Variants in RBFOX3 observed in about 807,000 individuals in gnomAD.
The protein encoded by RBFOX3 is RNA binding protein fox-1 homolog 3.
A neutral mutation model predicts 48.7 loss-of-function variants in RBFOX3; 17 were observed. The observed-to-expected ratio is 0.35, with a 90% CI of 0.24 to 0.52. The LOEUF (loss-of-function observed/expected upper bound fraction) is 0.52. Among genes scored for constraint, RBFOX3 ranks in the 20% least tolerant of loss-of-function variants. The pLI, the probability that RBFOX3 is intolerant of heterozygous loss-of-function variation, is 0.94. For synonymous variants in RBFOX3, 212 were observed against 209.5 expected, an observed-to-expected ratio of 1.01 and a Z score of -0.10; for missense variants, 382 against 497.5, an observed-to-expected ratio of 0.77 and a Z score of 2.21.
chr17:79,120,401 G>A (rs1280125570), intron 4 of RBFOX3, among the ~76,000 whole-genome samples: 1 of 151,930 alleles, frequency 6.6e-6, no homozygotes, highest in East Asian at 1.9e-4. Flanking sequence ...ATGGGTGGAT[G>A]GATGGATTAA....
Position 79,338,013 on chromosome 17 carries a change from A to C in RBFOX3, c.-174-30189T>G, listed in dbSNP as rs894701720. 2.0e-5 allele frequency among the ~76,000 whole-genome samples: 3 copies of C among 149,722 alleles called. No individual in the cohort carries two copies. The East Asian group carries it at 6.0e-4, about 30-fold the overall frequency. ...GAGCGCAGTGGCGCGATCTCGGCTC[A>C]CTGCAACCTCTGCCTCCTGGGCTCA... On this transcript the variant is annotated intron_variant, in intron 2 of 14. Coordinates refer to ENST00000693108, the MANE Select transcript of RBFOX3 (RefSeq NM_001350451.2).
chr17:79,201,641 G>T (rs2056771698), intron 4 of RBFOX3, among the ~76,000 whole-genome samples: 1 of 152,192 alleles, frequency 6.6e-6, no homozygotes, highest in Non-Finnish European at 1.5e-5. Flanking sequence ...CACGGAAAGT[G>T]CTTCTGACAG....
chr17:79,187,621 G>A (rs1444375636), intron 4 of RBFOX3, among the ~76,000 whole-genome samples: 2 of 152,194 alleles, frequency 1.3e-5, no homozygotes, highest in African/African-American at 4.8e-5. Context: ...GGGAGGATGT[G>A]TGCGTGCCTG....
chr17:79,546,656 C>T (rs1364357025), intron 1 of RBFOX3, among the ~76,000 whole-genome samples: 1 of 149,700 alleles, frequency 6.7e-6, no homozygotes, highest in Admixed American at 6.7e-5. Context: ...CCCAGCAGTA[C>T]CTTCCTCATT....
intron 2 of RBFOX3, among the ~76,000 whole-genome samples, chr17:79,408,797 C>G (rs1471157073): frequency 6.6e-6 from 1 of 152,202 alleles, no homozygotes; most frequent in Non-Finnish European, 1.5e-5. Flanking sequence ...CATTAATGGT[C>G]TCTCTCACCA....
intron 13 of RBFOX3, among the ~76,000 whole-genome samples, chr17:79,094,808 C>T (rs1391404949): frequency 2.0e-5 from 3 of 151,864 alleles, no homozygotes; most frequent in African/African-American, 2.4e-5. Flanking sequence ...CTCAGTGCTA[C>T]GTGGAGGGGG....
rs533301058 is a variant in RBFOX3 at position 79,463,129 on chromosome 17, C to T, written c.-175+19325G>A. Among the ~76,000 whole-genome samples the T allele has an allele frequency of 4.6e-3, 684 of 149,424 alleles. 8 individuals carry two copies. The highest frequency in any genetic ancestry group is 0.016 in the African/African-American group (644 of 40,494). On this transcript the variant is annotated intron_variant, in intron 2 of 14. Transcript: ENST00000693108. Reference sequence around the variant, plus strand: ...CCGCCATCGCCACTGCCATCGCCACCGCCACTGCCACCGCCACCTCCACCA... The same window carrying T: ...CCGCCATCGCCACTGCCATCGCCACTGCCACTGCCACCGCCACCTCCACCA...
intron 4 of RBFOX3, among the ~76,000 whole-genome samples, chr17:79,149,440 T>C (rs903111022): frequency 6.6e-6 from 1 of 152,088 alleles, no homozygotes; most frequent in African/African-American, 2.4e-5. Context: ...AACACGGGCA[T>C]TGCTGTCCTG....
chr17:79,597,211 T>C (rs1419169986), intron 1 of RBFOX3, among the ~76,000 whole-genome samples: 4 of 152,198 alleles, frequency 2.6e-5, no homozygotes, highest in African/African-American at 9.6e-5. Flanking sequence ...TCACCTCCTG[T>C]CTTGCTGCTA....
chr17:79,110,130 C>CAAAAAAA (rs34151285), intron 5 of RBFOX3, among the ~76,000 whole-genome samples: 1 of 132,352 alleles, frequency 7.6e-6, no homozygotes, highest in Non-Finnish European at 1.6e-5. Flanking sequence ...TTCCCCCACT[C>CAAAAAAA]AAAAAAAAAA....
chr17:79,163,739 C>T (rs562627162), intron 4 of RBFOX3, among the ~76,000 whole-genome samples: 2 of 152,194 alleles, frequency 1.3e-5, no homozygotes, highest in South Asian at 4.1e-4. Flanking sequence ...GAAGCTTTGC[C>T]AACAGGGTGC....
chr17:79,524,949 A>G (rs1440109508), intron 1 of RBFOX3, among the ~76,000 whole-genome samples: 2 of 152,214 alleles, frequency 1.3e-5, no homozygotes, highest in Admixed American at 1.3e-4. Flanking sequence ...CGAGTGCTTA[A>G]GATCTCCATG....
Position 79,254,355 on chromosome 17 carries a change from T to G in RBFOX3, c.-73-18550A>C, listed in dbSNP as rs1003826426. On this transcript the variant is annotated intron_variant, in intron 3 of 14. Coordinates refer to ENST00000693108, the MANE Select transcript of RBFOX3 (RefSeq NM_001350451.2). This position sits in a 1 kb window ranked among gnomAD's most constrained non-coding sequence, Gnocchi z 4.8. Reference sequence around the variant, plus strand: ...CCAGGTGGCAGCAGGTGAGGAACCTTACTCCTGAGACCCTCAGCCCTAGCT... The same window carrying G: ...CCAGGTGGCAGCAGGTGAGGAACCTGACTCCTGAGACCCTCAGCCCTAGCT... Among the ~76,000 whole-genome samples, 1 of 152,040 alleles carries G rather than the reference T, an allele frequency of 6.6e-6. No individual in the cohort carries two copies. The highest frequency in any genetic ancestry group is 2.4e-5 in the African/African-American group (1 of 41,390).
intron 2 of RBFOX3, among the ~76,000 whole-genome samples, chr17:79,346,486 G>A (rs1041897452): frequency 6.6e-6 from 1 of 152,142 alleles, no homozygotes; most frequent in African/African-American, 2.4e-5. Flanking sequence ...GACAACACTA[G>A]GTAATCTTAA....
chr17:79,217,870 G>A (rs963596214), intron 4 of RBFOX3, among the ~76,000 whole-genome samples: 6 of 152,152 alleles, frequency 3.9e-5, no homozygotes, highest in Non-Finnish European at 7.3e-5. Context: ...GCTGGGCCAC[G>A]GGGCTTAGGG....
intron 4 of RBFOX3, among the ~76,000 whole-genome samples, chr17:79,131,908 G>A (rs1308780503): frequency 1.3e-5 from 2 of 152,182 alleles, no homozygotes; most frequent in South Asian, 4.1e-4. Flanking sequence ...AAAAGCGCCA[G>A]ACGAGGGGAC....
In RBFOX3 at chr17:79,257,627, A is replaced by G. The variant is rs753936123; in HGVS notation, c.-73-21822T>C. On this transcript the variant is annotated intron_variant, in intron 3 of 14. Coordinates refer to ENST00000693108, the MANE Select transcript of RBFOX3 (RefSeq NM_001350451.2). ...ACAGAGTCTTGCTCTGTTACCCAGG[A>G]TGGAGTGCTGTGGTGCAGTCTCAGC... Among the ~76,000 whole-genome samples the G allele has an allele frequency of 3.9e-5, 6 of 152,040 alleles. No individual in the cohort carries two copies. The South Asian group carries it at 6.2e-4, about 16-fold the overall frequency.
intron 1 of RBFOX3, among the ~76,000 whole-genome samples, chr17:79,484,525 C>G (rs1394318406): frequency 2.7e-5 from 1 of 36,388 alleles, no homozygotes; most frequent in African/African-American, 7.7e-5. Flanking sequence ...GTGCAGGGGG[C>G]CTGGGTGCAG....
At chr17:79,499,002 GTCCACTCATATACCCATCCA>G (rs1268809744) in intron 1 of RBFOX3, among the ~76,000 whole-genome samples, 1 of 141,920 alleles carries the variant, frequency 7.0e-6, no homozygotes, top group Non-Finnish European at 1.5e-5. Flanking sequence ...TTACTCATAT[GTCCACTCATATACCCATCCA>G]TCCACTCATA....
Sources: allele counts gnomAD v4.1 joint callset (sites outside exome capture counted in the v4.1 genomes callset), GRCh38; gene constraint gnomAD v4.1.1; non-coding constraint Gnocchi (gnomAD v3.1); transcripts MANE v1.5; gene names NCBI Gene and HGNC (gene_info 2026-07-23, HGNC 2026-07-21).